TERT: variants seen among roughly 807,000 people sequenced by gnomAD.
The protein encoded by TERT is telomerase reverse transcriptase.
Under a neutral mutation model 104.0 loss-of-function variants are expected in TERT, and 42 were observed. The observed-to-expected ratio is 0.40, with a 90% CI of 0.32 to 0.52. The LOEUF is 0.52. TERT is among the 20% of genes least tolerant of loss of function. The probability of loss-of-function intolerance (pLI) is 0.43; values close to 1 mark genes in which losing one functional copy is unlikely to be tolerated. For synonymous variants in TERT, 781 were observed against 725.6 expected (o/e 1.08, Z -1.23); for missense variants, 1,101 against 1,610.3 (o/e 0.68, Z 5.41).
At chr5:1,266,235 G>T (rs1202688443) in intron 10 of TERT, among the ~76,000 whole-genome samples, 1 of 152,238 alleles carries the variant, frequency 6.6e-6, no homozygotes, top group South Asian at 2.1e-4. Context: ...ACCTGGGTGC[G>T]TCTCTGCAGG....
Position 1,294,206 on chromosome 5 carries a change from C to G in TERT, c.680G>C (p.Ser227Thr). 1 of 1,580,744 alleles carries G rather than the reference C, an allele frequency of 6.3e-7. No homozygotes were observed. Among genetic ancestry groups the G allele is most frequent in the Non-Finnish European group, 8.6e-7 (1 of 1,168,580 alleles). Residue 227 changes from serine to threonine, a missense_variant, in exon 2 of 16, where the codon AGT becomes ACT. By Grantham distance (58) the Ser-to-Thr change is moderately conservative. This residue lies in a region of TERT where 504 missense variants were observed against 544.6 expected (regional missense o/e 0.93). Coordinates refer to ENST00000310581, the MANE Select transcript of TERT (RefSeq NM_198253.3). ...PAPGARRRGG[S>T]ASRSLPLPKR... ...GGGCAACGGCAGACTTCGGCTGGCA[C>G]TGCCCCCGCGCCTCCTCGCACCCGG...
rs147136534 is a variant in TERT, at chr5:1,275,591, G to A, written c.2286+3050C>T. On this transcript the variant is annotated intron_variant, in intron 6 of 15. Transcript: ENST00000310581. ...GCCCAGGGGAGGCCTCCACACCCCT[G>A]ACTTACTATAAACCCGACCATAGTT... is the stretch of plus-strand genomic sequence containing the variant. Among the ~76,000 whole-genome samples, 322 of 152,050 alleles carry A rather than the reference G, an allele frequency of 2.1e-3. 1 individual carries two copies. The highest frequency in any genetic ancestry group is 7.2e-3 in the African/African-American group (297 of 41,428).
intron 2 of TERT, among the ~76,000 whole-genome samples, chr5:1,285,998 G>A (rs980654949): frequency 4.6e-5 from 7 of 152,024 alleles, no homozygotes; most frequent in Non-Finnish European, 7.4e-5. Context: ...AGGCAGCACC[G>A]TCAGAGCTGG....
rs1032528755 is a variant in TERT at position 1,260,701 on chromosome 5, C to T, written c.2844-101G>A. 4 of 1,544,924 alleles carry T rather than the reference C, an allele frequency of 2.6e-6. No homozygotes were observed. The African/African-American group carries it at 5.4e-5, about 21-fold the overall frequency. The stretch of plus-strand genomic sequence containing the variant: ...GAGCCTCCTGCCTTCCTCCCGCTTC[C>T]TTGTCCTGCCTGGGGCATGCGCTGC... On this transcript the variant is annotated intron_variant, in intron 11 of 15. Coordinates refer to ENST00000310581, the MANE Select transcript of TERT (RefSeq NM_198253.3).
At position 1,282,079 on chromosome 5, in the gene TERT, C is replaced by T. The variant is rs7722143; in HGVS notation, c.1769+350G>A. Among the ~76,000 whole-genome samples, 5,007 of 150,738 alleles carry T rather than the reference C, an allele frequency of 0.033. 159 individuals carry two copies. Among genetic ancestry groups the T allele is most frequent in the African/African-American group, 0.083 (3,356 of 40,318 alleles). ...CTCCAGCCTGGGCAACAGAGTGAGACTCCATCTCAAAAAAGAAAAAAAAAA... is the reference window on the plus strand; with the variant it reads ...CTCCAGCCTGGGCAACAGAGTGAGATTCCATCTCAAAAAAGAAAAAAAAAA... On this transcript the variant is annotated intron_variant, in intron 3 of 15. Coordinates refer to ENST00000310581, the MANE Select transcript of TERT (RefSeq NM_198253.3).
chr5:1,259,489 C>A (rs1196478238), intron 12 of TERT, among the ~76,000 whole-genome samples: 1 of 120,140 alleles, frequency 8.3e-6, no homozygotes, highest in Non-Finnish European at 1.7e-5. Flanking sequence ...GACGCGGACG[C>A]CCACAGGAGG....
chr5:1,290,219 G>T (rs542239007), intron 2 of TERT, among the ~76,000 whole-genome samples: 2 of 62,610 alleles, frequency 3.2e-5, no homozygotes, highest in African/African-American at 1.2e-4. Context: ...CCCGGGGACC[G>T]CGCCTCACTC....
At chr5:1,293,102 G>A (rs1180330456) in intron 2 of TERT, among the ~76,000 whole-genome samples, 1 of 152,228 alleles carries the variant, frequency 6.6e-6, no homozygotes, top group African/African-American at 2.4e-5. Context: ...CCATCAAAAC[G>A]TGAAGGTGAA....
chr5:1,259,484 G>A (rs1262597193), intron 12 of TERT, among the ~76,000 whole-genome samples: 5 of 109,700 alleles, frequency 4.6e-5, no homozygotes, highest in African/African-American at 7.2e-5. Context: ...GAGTGGACGC[G>A]GACGCCCACA....
At position 1,291,352 on chromosome 5, in the gene TERT, G is replaced by A. The variant is rs1425857529; in HGVS notation, c.1573+1961C>T. On this transcript the variant is annotated intron_variant, in intron 2 of 15. Coordinates refer to ENST00000310581, the MANE Select transcript of TERT (RefSeq NM_198253.3). ...CACGTGACAGGGACACCCGGGGACC[G>A]CGCCTCACTCACCCTGCACGTGACA... Among the ~76,000 whole-genome samples, 257 of 35,572 alleles carry A rather than the reference G, an allele frequency of 7.2e-3. 4 individuals are homozygous for A. Among genetic ancestry groups the A allele is most frequent in the Middle Eastern group, 0.02 (1 of 50 alleles). The allele number at this position is 35,572 out of a possible 152,430, so 23.3% of individuals were successfully genotyped here.
Position 1,278,773 on chromosome 5 carries a change from G to A in TERT, c.2154C>T (p.Asp718=), listed in dbSNP as rs377437136. The A allele has an allele frequency of 5.0e-6, 8 of 1,614,032 alleles. No individual in the cohort carries two copies. The highest frequency in any genetic ancestry group is 6.8e-6 in the Non-Finnish European group (8 of 1,180,054). The part of the protein sequence containing the change: ...FVKVDVTGAY[D]TIPQDRLTEV... ...CCGTGAGCCTGTCCTGGGGGATGGT[G>A]TCGTACGCGCCCGTCACATCCACCT... The change falls in exon 6 of 16, where the codon GAC becomes GAT. Residue 718 remains aspartate (D), a synonymous_variant. Coordinates refer to ENST00000310581, the MANE Select transcript of TERT (RefSeq NM_198253.3).
At chr5:1,293,257 G>T in intron 2 of TERT, 56 bp downstream of exon 2, 1 of 1,602,472 alleles carries the variant, frequency 6.2e-7, no homozygotes, top group South Asian at 1.1e-5. Flanking sequence ...CCTTTTCTGA[G>T]CCCCTACTGC....
intron 2 of TERT, among the ~76,000 whole-genome samples, chr5:1,290,302 G>A (rs376179463): frequency 2.3e-4 from 7 of 30,038 alleles, no homozygotes; most frequent in East Asian, 8.5e-4. Flanking sequence ...ACCCGGGGAC[G>A]GCGCCTCACT....
At chr5:1,277,501 C>T (rs1749680693) in intron 6 of TERT, among the ~76,000 whole-genome samples, 1 of 152,058 alleles carries the variant, frequency 6.6e-6, no homozygotes, top group African/African-American at 2.4e-5. Flanking sequence ...AACCCACCTC[C>T]TGCCTGATCT....
rs556561488 is a variant in TERT, at chr5:1,287,362, T to C, written c.1574-4738A>G. 5.3e-4 allele frequency among the ~76,000 whole-genome samples: 80 copies of C among 151,950 alleles called. 1 individual carries two copies. In the South Asian group the frequency reaches 0.016, roughly 31 times the overall value. Reference sequence around the variant, plus strand: ...AAAAAATTTAAAAATTAGCCAGGTGTAGCGGTGCGTGTCTGCAGTTCCAGC... The same window carrying C: ...AAAAAATTTAAAAATTAGCCAGGTGCAGCGGTGCGTGTCTGCAGTTCCAGC... On this transcript the variant is annotated intron_variant, in intron 2 of 15. Transcript: ENST00000310581. This position sits in a 1 kb window ranked among gnomAD's most constrained non-coding sequence, Gnocchi z 4.3.
At chr5:1,258,850 C>T (rs909345427) in intron 12 of TERT, among the ~76,000 whole-genome samples, 191 bp from the exon 13 acceptor site, 1 of 152,274 alleles carries the variant, frequency 6.6e-6, no homozygotes, top group Non-Finnish European at 1.5e-5. Flanking sequence ...CGAGTCAAGA[C>T]TCTGTGTCAT....
At chr5:1,281,628 C>T (rs6881768) in intron 3 of TERT, among the ~76,000 whole-genome samples, 5,690 of 152,308 alleles carry the variant, frequency 0.037, 364 homozygotes, top group African/African-American at 0.13. Flanking sequence ...AATCTCACAG[C>T]CATTCAAATG....
At chr5:1,283,828 A>C (rs370484749) in intron 2 of TERT, among the ~76,000 whole-genome samples, 44 of 119,976 alleles carry the variant, frequency 3.7e-4, no homozygotes, top group African/African-American at 1.4e-3. Flanking sequence ...CCAAGGGCCT[A>C]GCGACCTCAC....
rs766415474 is a variant in TERT at position 1,268,513 on chromosome 5, G to A, written c.2582+7C>T. ...CCCAAGCCCCCCTGGGGAAGAGGAGGCCTCACCCGTCCCGCCGAATCCCCG... is the reference window on the plus strand; with the variant it reads ...CCCAAGCCCCCCTGGGGAAGAGGAGACCTCACCCGTCCCGCCGAATCCCCG... On this transcript the variant is annotated splice_region_variant and intron_variant, in intron 9 of 15. Transcript: ENST00000310581. This position sits in a 1 kb window ranked among gnomAD's most constrained non-coding sequence, Gnocchi z 5.5. The A allele has an allele frequency of 6.2e-7, 1 of 1,611,086 alleles. No individual in the cohort carries two copies. The highest frequency in any genetic ancestry group is 8.5e-7 in the Non-Finnish European group (1 of 1,177,960).
Sources: allele counts gnomAD v4.1 joint callset (sites outside exome capture counted in the v4.1 genomes callset), GRCh38; gene constraint gnomAD v4.1.1; regional missense constraint gnomAD v4.1.1; non-coding constraint Gnocchi (gnomAD v3.1); transcripts MANE v1.5; gene names NCBI Gene and HGNC (gene_info 2026-07-23, HGNC 2026-07-21).